Variants in PRR16 observed in about 807,000 individuals in gnomAD.
The protein encoded by PRR16 is protein Largen.
In PRR16, 6 loss-of-function variants were observed where a neutral mutation model predicts 18.2. The observed-to-expected ratio is 0.33, with a 90% confidence interval of 0.18 to 0.65. The LOEUF (loss-of-function observed/expected upper bound fraction) is 0.65. PRR16 is among the 30% of genes least tolerant of loss of function. The pLI, the probability that PRR16 is intolerant of heterozygous loss-of-function variation, is 0.74. For synonymous variants in PRR16, 151 were observed against 147.8 expected (o/e 1.02, Z -0.16); for missense variants, 412 against 376.6 (o/e 1.09, Z -0.78).
chr5:120,708,978 CTTTTTTTTTTTTTTTTTTTTTTTTTT>C, the PRR16 span, among the ~76,000 whole-genome samples: 10 of 43,688 alleles, frequency 2.3e-4, no homozygotes, highest in African/African-American at 6.6e-4. Flanking sequence ...CTCTTTGGTA[CTTTTTTTTTTTTTTTTTTTTTTTTTT>C]TTTTTTTTTT....
chr5:120,578,418 C>T (rs2112749210), intron 1 of PRR16, among the ~76,000 whole-genome samples: 1 of 152,212 alleles, frequency 6.6e-6, no homozygotes, highest in East Asian at 1.9e-4. Flanking sequence ...CCCGAAAAGG[C>T]CCTGGTTTGT....
At chr5:120,523,736 G>T (rs1372610575) in intron 1 of PRR16, among the ~76,000 whole-genome samples, 1 of 151,880 alleles carries the variant, frequency 6.6e-6, no homozygotes, top group Non-Finnish European at 1.5e-5. Context: ...ATCTTTTCTA[G>T]TGAAAGTCAC....
chr5:120,781,241 C>A, the PRR16 span: 1 of 151,734 alleles, frequency 6.6e-6, no homozygotes, highest in African/African-American at 2.4e-5. Flanking sequence ...GCGTCTGAAA[C>A]AAGACTAACA....
At chr5:120,608,149 G>A (rs939515458) in intron 1 of PRR16, among the ~76,000 whole-genome samples, 1 of 152,128 alleles carries the variant, frequency 6.6e-6, no homozygotes, top group Non-Finnish European at 1.5e-5. Flanking sequence ...AATATACCCA[G>A]CACTTAGTTT....
the PRR16 span, among the ~76,000 whole-genome samples, chr5:120,773,960 C>T: frequency 8.7e-4 from 133 of 152,082 alleles, 1 homozygote; most frequent in African/African-American, 3.0e-3. Flanking sequence ...CTTGATATTC[C>T]GTAGCTTGCA....
chr5:120,470,427 A>C (rs1749231612), intron 1 of PRR16, among the ~76,000 whole-genome samples: 1 of 152,074 alleles, frequency 6.6e-6, no homozygotes, highest in Non-Finnish European at 1.5e-5. Flanking sequence ...ATTTTGTCAT[A>C]TTTTCTTTTA....
the PRR16 span, among the ~76,000 whole-genome samples, chr5:120,770,977 ATCTTT>A: frequency 2.9e-5 from 4 of 137,208 alleles, no homozygotes; most frequent in African/African-American, 1.2e-4. Flanking sequence ...CACACCTTGC[ATCTTT>A]TCTATTTATT....
At chr5:120,757,543 A>G in the PRR16 span, among the ~76,000 whole-genome samples, 11 of 152,042 alleles carry the variant, frequency 7.2e-5, no homozygotes, top group Admixed American at 5.9e-4. Flanking sequence ...TTCTTTTGCT[A>G]TATAGTAAAA....
chr5:120,732,396 A>C, the PRR16 span, among the ~76,000 whole-genome samples: 1 of 152,046 alleles, frequency 6.6e-6, no homozygotes, highest in African/African-American at 2.4e-5. Context: ...GCGGCTATAT[A>C]ATTCTTTCCA....
chr5:120,724,261 C>G, the PRR16 span, among the ~76,000 whole-genome samples: 1 of 152,042 alleles, frequency 6.6e-6, no homozygotes, highest in Admixed American at 6.6e-5. Flanking sequence ...TATATTTAGT[C>G]TTTCCACAGA....
the PRR16 span, among the ~76,000 whole-genome samples, chr5:120,726,384 G>T: frequency 6.6e-6 from 1 of 151,844 alleles, no homozygotes; most frequent in Non-Finnish European, 1.5e-5. Flanking sequence ...ATCCAGGGAG[G>T]GAATATGGAG....
the PRR16 span, among the ~76,000 whole-genome samples, chr5:120,785,092 T>G: frequency 6.6e-6 from 1 of 152,228 alleles, no homozygotes; most frequent in Non-Finnish European, 1.5e-5. Flanking sequence ...CAATCTCACA[T>G]GACTACAGTA....
intron 1 of PRR16, among the ~76,000 whole-genome samples, chr5:120,654,173 C>G (rs1211576126): frequency 6.6e-6 from 1 of 151,970 alleles, no homozygotes; most frequent in Non-Finnish European, 1.5e-5. Context: ...CCCTTTTTTG[C>G]TGCTTGGAAT....
intron 1 of PRR16, among the ~76,000 whole-genome samples, chr5:120,488,527 A>G (rs536088668): frequency 6.6e-6 from 1 of 151,236 alleles, no homozygotes; most frequent in African/African-American, 2.4e-5. Flanking sequence ...TGTCTATTTG[A>G]TTCTTCTCTC....
intron 1 of PRR16, among the ~76,000 whole-genome samples, chr5:120,542,040 AG>A (rs1334120545): frequency 6.6e-6 from 1 of 151,824 alleles, no homozygotes; most frequent in Non-Finnish European, 1.5e-5. Context: ...CTTTTCCTCT[AG>A]GTGTTACAAA....
the PRR16 span, among the ~76,000 whole-genome samples, chr5:120,711,157 T>A: frequency 6.6e-6 from 1 of 152,214 alleles, no homozygotes; most frequent in South Asian, 2.1e-4. Context: ...CATCTCAAGG[T>A]TAGTAGATTA....
At chr5:120,598,406 T>A (rs1315636629) in intron 1 of PRR16, among the ~76,000 whole-genome samples, 2 of 151,928 alleles carry the variant, frequency 1.3e-5, no homozygotes, top group Non-Finnish European at 2.9e-5. Context: ...TGCAAAAGGA[T>A]GTGAATGTGT....
intron 1 of PRR16, among the ~76,000 whole-genome samples, chr5:120,572,402 T>G (rs1752936475): frequency 6.6e-6 from 1 of 152,194 alleles, no homozygotes; most frequent in Non-Finnish European, 1.5e-5. Context: ...GAATCAGAGT[T>G]GAACTAATTT....
the PRR16 span, among the ~76,000 whole-genome samples, chr5:120,764,426 A>T: frequency 1.3e-5 from 2 of 150,724 alleles, no homozygotes; most frequent in East Asian, 3.9e-4. Context: ...TCATTATTTA[A>T]TTTTTTTTTA....
Sources: allele counts gnomAD v4.1 joint callset (sites outside exome capture counted in the v4.1 genomes callset), GRCh38; gene constraint gnomAD v4.1.1; transcripts MANE v1.5; gene names NCBI Gene and HGNC (gene_info 2026-07-23, HGNC 2026-07-21).